The following IGF2BP1 variants were observed in gnomAD, a reference collection of about 807,000 sequenced individuals.
IGF2BP1 encodes the protein insulin like growth factor 2 mRNA binding protein 1, also known as insulin-like growth factor 2 mRNA-binding protein 1.
In IGF2BP1, 11 loss-of-function variants were observed where a neutral mutation model predicts 74.9. The ratio of observed to expected loss-of-function variants is 0.15; its 90% CI spans 0.09 to 0.24. The LOEUF (loss-of-function observed/expected upper bound fraction) is 0.24, where lower values mean the gene tolerates loss of function less well. Ranked by LOEUF, IGF2BP1 falls within the 10% of genes least tolerant of loss-of-function variation. The pLI is 1.00. For synonymous variants in IGF2BP1, 287 were observed against 281.8 expected, an observed-to-expected ratio of 1.02 and a Z score of -0.18; for missense variants, 440 against 757.4, an observed-to-expected ratio of 0.58 and a Z score of 4.92.
chr17:49,046,744 C>A (rs2042112109), intron 14 of IGF2BP1, among the ~76,000 whole-genome samples: 2 of 151,762 alleles, frequency 1.3e-5, no homozygotes, highest in Non-Finnish European at 2.9e-5. Flanking sequence ...TAGTTTTGTT[C>A]ATGGAATAAT....
At chr17:49,041,627 A>C in intron 8 of IGF2BP1, 127 bp downstream of exon 8, 1 of 1,275,680 alleles carries the variant, frequency 7.8e-7, no homozygotes, top group Non-Finnish European at 1.1e-6. Flanking sequence ...TTGAAGAAAA[A>C]CAGTCGAAGT....
At chr17:49,038,544 AT>A in intron 6 of IGF2BP1, 95 bp downstream of exon 6, 2 of 1,249,624 alleles carry the variant, frequency 1.6e-6, no homozygotes, top group Non-Finnish European at 2.1e-6. Context: ...AGACATCAAC[AT>A]TTACCTTTTA....
chr17:49,039,735 C>G (rs1182301681), intron 6 of IGF2BP1, among the ~76,000 whole-genome samples: 1 of 152,200 alleles, frequency 6.6e-6, no homozygotes, highest in Non-Finnish European at 1.5e-5. Context: ...CCACCAACCA[C>G]CTGTGGATTG....
In IGF2BP1 at chr17:49,049,551, C is replaced by T. The variant is rs1035829907; in HGVS notation, c.*107C>T. On this transcript the variant is annotated 3_prime_UTR_variant, in exon 15 of 15. Coordinates refer to ENST00000290341, the MANE Select transcript of IGF2BP1 (RefSeq NM_006546.4). ...GAGTGGGAATCCGGGACACCTGGGC[C>T]GGGCTGTAGATCAGGTTTGCCCACT... The T allele has an allele frequency of 8.0e-5, 71 of 887,900 alleles. No homozygotes were observed. The highest frequency in any genetic ancestry group is 1.0e-4 in the Non-Finnish European group (58 of 562,620). The allele number at this position is 887,900 out of a possible 1,614,324, so 55.0% of individuals were successfully genotyped here.
chr17:49,006,437 G>GTCT (rs1257433598), intron 2 of IGF2BP1, among the ~76,000 whole-genome samples: 1 of 152,114 alleles, frequency 6.6e-6, no homozygotes, highest in Non-Finnish European at 1.5e-5. Flanking sequence ...CTCAATTTCC[G>GTCT]TAACTGTAAA....
intron 4 of IGF2BP1, among the ~76,000 whole-genome samples, chr17:49,030,541 T>C (rs1427003728): frequency 1.3e-5 from 2 of 151,832 alleles, no homozygotes; most frequent in Non-Finnish European, 2.9e-5. Flanking sequence ...GTCAGCCATA[T>C]CTTTGCAGGC....
At chr17:48,999,301 TG>T (rs1304117344) in intron 2 of IGF2BP1, 132 bp downstream of exon 2, 2 of 604,566 alleles carry the variant, frequency 3.3e-6, no homozygotes, top group Admixed American at 5.8e-5. Context: ...CTCCGGATGT[TG>T]GGGGCAGGGA....
At chr17:49,010,677 T>C (rs2041606418) in intron 2 of IGF2BP1, among the ~76,000 whole-genome samples, 1 of 152,116 alleles carries the variant, frequency 6.6e-6, no homozygotes, top group South Asian at 2.1e-4. Context: ...TTTAGCATTA[T>C]TGGGTCTTTT....
chr17:49,026,432 GAGT>G, intron 3 of IGF2BP1, 31 bp from the exon 4 acceptor site: 1 of 1,606,890 alleles, frequency 6.2e-7, no homozygotes, highest in Non-Finnish European at 8.5e-7. Flanking sequence ...TTGGGACTCA[GAGT>G]TAAGTGTACT....
At chr17:49,009,403 A>AT (rs1162382842) in intron 2 of IGF2BP1, among the ~76,000 whole-genome samples, 4 of 151,608 alleles carry the variant, frequency 2.6e-5, no homozygotes, top group South Asian at 2.1e-4. Context: ...TATCCTTGGT[A>AT]TTTTTTTTAA....
At chr17:49,042,860 A>G (rs187366819) in intron 9 of IGF2BP1, among the ~76,000 whole-genome samples, 14 of 152,004 alleles carry the variant, frequency 9.2e-5, no homozygotes, top group Non-Finnish European at 4.4e-5. Flanking sequence ...TTAAAATTTT[A>G]TTTTTTGGAA....
chr17:48,999,259 A>T, intron 2 of IGF2BP1, 90 bp downstream of exon 2: 1 of 800,988 alleles, frequency 1.2e-6, no homozygotes, highest in Non-Finnish European at 2.1e-6. Flanking sequence ...CTCCAGTGGA[A>T]GAAACCCATT....
chr17:49,035,644 G>A (rs2041977805), intron 5 of IGF2BP1, among the ~76,000 whole-genome samples: 1 of 152,196 alleles, frequency 6.6e-6, no homozygotes, highest in Admixed American at 6.5e-5. Context: ...GGTGGGGGTG[G>A]CTGGGGCACC....
intron 4 of IGF2BP1, among the ~76,000 whole-genome samples, chr17:49,029,140 T>C (rs1462277882): frequency 3.4e-5 from 5 of 148,376 alleles, no homozygotes; most frequent in Non-Finnish European, 7.5e-5. Context: ...CAGTCATCAC[T>C]GTCAAATATT....
intron 2 of IGF2BP1, among the ~76,000 whole-genome samples, chr17:49,016,577 T>C (rs1226023197): frequency 6.6e-6 from 1 of 152,090 alleles, no homozygotes; most frequent in Non-Finnish European, 1.5e-5. Context: ...ACAAGTAGTA[T>C]AGGAAGGAGG....
Position 49,052,263 on chromosome 17 carries a change from C to T in IGF2BP1, c.*2819C>T, listed in dbSNP as rs1472259709. 1.3e-5 allele frequency: 2 copies of T among 152,134 alleles called. No individual in the cohort carries two copies. Among genetic ancestry groups the T allele is most frequent in the Non-Finnish European group, 2.9e-5 (2 of 68,030 alleles). The allele number at this position is 152,134 out of a possible 1,614,324, so 9.4% of individuals were successfully genotyped here. On this transcript the variant is annotated 3_prime_UTR_variant, in exon 15 of 15. Coordinates refer to ENST00000290341, the MANE Select transcript of IGF2BP1 (RefSeq NM_006546.4). ...CTATATGCTTTATCCCAAAACAAAGCAGATAACGTTCAGACGTCGGCCATT... is the reference window on the plus strand; with the variant it reads ...CTATATGCTTTATCCCAAAACAAAGTAGATAACGTTCAGACGTCGGCCATT...
chr17:49,035,139 C>T lies in IGF2BP1; in HGVS notation c.402-3029C>T, dbSNP rs187883298. The stretch of plus-strand genomic sequence containing the variant: ...CTAGAAAAGCCTTTACGTTTATGAT[C>T]GGCTGGTTTTTGTTTTTATTTTCAC... On this transcript the variant is annotated intron_variant, in intron 5 of 14. Transcript: ENST00000290341. Among the ~76,000 whole-genome samples, 239 of 152,216 alleles carry T rather than the reference C, an allele frequency of 1.6e-3. 2 individuals are homozygous for T. Among genetic ancestry groups the T allele is most frequent in the African/African-American group, 5.5e-3 (229 of 41,534 alleles).
intron 7 of IGF2BP1, 124 bp from the exon 8 acceptor site, chr17:49,041,254 T>A: frequency 1.0e-6 from 1 of 976,050 alleles, no homozygotes; most frequent in Non-Finnish European, 1.6e-6. Flanking sequence ...AAGTATGCAG[T>A]TTGATAAGTT....
intron 1 of IGF2BP1, 33 bp from the exon 2 acceptor site, chr17:48,999,076 C>A: frequency 1.5e-6 from 2 of 1,309,156 alleles, no homozygotes; most frequent in Non-Finnish European, 2.2e-6. Flanking sequence ...CCTGTTCAAG[C>A]TCTCATGGTA....
Sources: gnomAD v4.1 joint callset for allele counts (sites outside exome capture counted in the v4.1 genomes callset) on GRCh38, gnomAD v4.1.1 for gene constraint, MANE v1.5 for transcripts, NCBI Gene and HGNC (gene_info 2026-07-23, HGNC 2026-07-21) for gene names.